LOC400499: variants seen among roughly 807,000 people sequenced by gnomAD.
the LOC400499 span, among the ~76,000 whole-genome samples, chr16:11,510,399 GCACTT>G: frequency 6.6e-6 from 1 of 151,770 alleles, no homozygotes; most frequent in Non-Finnish European, 1.5e-5. Context: ...CAGGGCCTTT[GCACTT>G]CCTGTTTCCG....
the LOC400499 span, among the ~76,000 whole-genome samples, chr16:11,431,518 G>A: frequency 3.3e-5 from 5 of 152,114 alleles, no homozygotes; most frequent in African/African-American, 9.7e-5. Flanking sequence ...CGATTCTCCT[G>A]TCTCAGCCTC....
chr16:11,393,572 A>C, the LOC400499 span: 1 of 1,232,314 alleles, frequency 8.1e-7, no homozygotes, highest in South Asian at 4.1e-5. Context: ...GGGAGGGGGA[A>C]GGCAGAGGCC....
chr16:11,428,090 C>T, the LOC400499 span, among the ~76,000 whole-genome samples: 2 of 152,122 alleles, frequency 1.3e-5, no homozygotes, highest in South Asian at 2.1e-4. Flanking sequence ...ACAGAGCAGC[C>T]CTGAGGGCGG....
At chr16:11,461,146 A>T in the LOC400499 span, 4 of 1,522,432 alleles carry the variant, frequency 2.6e-6, no homozygotes, top group Non-Finnish European at 3.5e-6. Flanking sequence ...CAGGCAGATG[A>T]GAGGGTCAGC....
chr16:11,463,590 G>GTA, the LOC400499 span, among the ~76,000 whole-genome samples: 7 of 152,100 alleles, frequency 4.6e-5, no homozygotes, highest in African/African-American at 1.4e-4. Flanking sequence ...GTAAAGAGGT[G>GTA]TATATATATG....
At chr16:11,490,800 G>T in the LOC400499 span, among the ~76,000 whole-genome samples, 1 of 152,354 alleles carries the variant, frequency 6.6e-6, no homozygotes, top group South Asian at 2.1e-4. Context: ...GTTTACCTAT[G>T]TATTACAAGT....
the LOC400499 span, chr16:11,478,154 C>T: frequency 5.3e-6 from 2 of 379,958 alleles, no homozygotes; most frequent in African/African-American, 4.2e-5. Flanking sequence ...ACTAAAAATA[C>T]AAAGCTGGGA....
chr16:11,419,956 G>A, the LOC400499 span, among the ~76,000 whole-genome samples: 9 of 151,012 alleles, frequency 6.0e-5, no homozygotes, highest in Middle Eastern at 3.2e-3. Flanking sequence ...AGATGCTGGC[G>A]AGGATGTGGA....
chr16:11,441,239 G>T, the LOC400499 span, among the ~76,000 whole-genome samples: 1 of 152,204 alleles, frequency 6.6e-6, no homozygotes, highest in Non-Finnish European at 1.5e-5. Flanking sequence ...AAGCGGGGAT[G>T]GGTACACAGG....
chr16:11,502,333 A>C, the LOC400499 span, among the ~76,000 whole-genome samples: 1 of 152,170 alleles, frequency 6.6e-6, no homozygotes, highest in African/African-American at 2.4e-5. Context: ...AGTGAGATGA[A>C]GCTCCAGGTC....
the LOC400499 span, among the ~76,000 whole-genome samples, chr16:11,481,844 C>T: frequency 2.0e-5 from 3 of 151,380 alleles, no homozygotes; most frequent in East Asian, 2.0e-4. Context: ...TATGTTGACC[C>T]GGCTGGTCTT....
At chr16:11,505,602 T>C in the LOC400499 span, among the ~76,000 whole-genome samples, 1,167 of 151,892 alleles carry the variant, frequency 7.7e-3, 18 homozygotes, top group African/African-American at 0.027. Flanking sequence ...CACAGGCACG[T>C]ACCACCATGC....
At chr16:11,410,613 G>C in the LOC400499 span, among the ~76,000 whole-genome samples, 2 of 152,228 alleles carry the variant, frequency 1.3e-5, no homozygotes, top group African/African-American at 4.8e-5. Context: ...GCCAGGGCTG[G>C]GAGGGTGCCT....
the LOC400499 span, among the ~76,000 whole-genome samples, chr16:11,419,409 G>C: frequency 0.016 from 2,459 of 151,964 alleles, 71 homozygotes; most frequent in African/African-American, 0.056. Flanking sequence ...GTAGAAAGCT[G>C]AAACTGGATC....
the LOC400499 span, chr16:11,446,530 T>C: frequency 3.3e-6 from 5 of 1,535,102 alleles, no homozygotes; most frequent in East Asian, 1.2e-4. Flanking sequence ...TGCAAAAGTC[T>C]CTGGGGTCTC....
the LOC400499 span, among the ~76,000 whole-genome samples, chr16:11,492,656 G>T: frequency 6.6e-6 from 1 of 152,142 alleles, no homozygotes; most frequent in African/African-American, 2.4e-5. Context: ...GTGGTGGCGG[G>T]CACCTGTAGT....
At chr16:11,460,710 C>T in the LOC400499 span, 3 of 1,427,376 alleles carry the variant, frequency 2.1e-6, no homozygotes, top group African/African-American at 2.9e-5. Context: ...GCCTCAGCCA[C>T]ACCCCCCATG....
chr16:11,438,861 G>T, the LOC400499 span, among the ~76,000 whole-genome samples: 2 of 151,846 alleles, frequency 1.3e-5, no homozygotes, highest in African/African-American at 4.8e-5. Flanking sequence ...TTGGAAGGTT[G>T]AATCAGAAAG....
At chr16:11,440,054 G>C in the LOC400499 span, among the ~76,000 whole-genome samples, 27 of 152,020 alleles carry the variant, frequency 1.8e-4, no homozygotes, top group Non-Finnish European at 3.2e-4. Flanking sequence ...ACTTGGAATT[G>C]AACTTGAACT....
Sources: gnomAD v4.1 joint callset for allele counts (sites outside exome capture counted in the v4.1 genomes callset) on GRCh38, gnomAD v4.1.1 for gene constraint, MANE v1.5 for transcripts.